The following SLC22A11 variants were observed in gnomAD, a reference collection of about 807,000 sequenced individuals.
The protein encoded by SLC22A11 is solute carrier family 22 member 11.
SLC22A11 carries 42 observed loss-of-function variants against 49.4 expected under a neutral mutation model. The observed-to-expected ratio is 0.85, with a 90% confidence interval of 0.66 to 1.10. The LOEUF (loss-of-function observed/expected upper bound fraction) is 1.10. SLC22A11 is among the 50% of genes least tolerant of loss of function. The pLI is 0.00. For missense variants in SLC22A11, 685 were observed against 731.6 expected (o/e 0.94, Z 0.74); for synonymous variants, 304 against 315.8 (o/e 0.96, Z 0.40).
Position 64,559,192 on chromosome 11 carries a change from T to G in SLC22A11, c.451T>G (p.Ser151Ala). 1 of 1,612,390 alleles carries G rather than the reference T, an allele frequency of 6.2e-7. No individual in the cohort carries two copies. The highest frequency in any genetic ancestry group is 8.5e-7 in the Non-Finnish European group (1 of 1,178,900). Residue 151 changes from serine (S) to alanine (A), a missense_variant, in exon 2 of 10, where the codon TCC becomes GCC. Ser to Ala is a moderately conservative substitution (Grantham distance 99). Coordinates refer to ENST00000301891, the MANE Select transcript of SLC22A11 (RefSeq NM_018484.4). ...GCCCCTAAGCCAGTCCATCTTCATGTCCGGGATCCTGGTGGGCTCCTTTAT... is the reference window on the plus strand; with the variant it reads ...GCCCCTAAGCCAGTCCATCTTCATGGCCGGGATCCTGGTGGGCTCCTTTAT... The part of the protein sequence containing the change: ...LKPLSQSIFM[S>A]GILVGSFIWG...
In SLC22A11 at chr11:64,564,762, T is replaced by A. The variant is rs549094939; in HGVS notation, c.942+334T>A. Among the ~76,000 whole-genome samples the A allele has an allele frequency of 2.6e-5, 4 of 151,918 alleles. No homozygotes were observed. In the East Asian group the frequency reaches 7.7e-4, roughly 29 times the overall value. On this transcript the variant is annotated intron_variant, in intron 5 of 9. Transcript: ENST00000301891. This position sits in a 1 kb window ranked among gnomAD's most constrained non-coding sequence, Gnocchi z 4.2. ...AACATCTCCACCACCTTCACCACCA[T>A]CGTCACCATCGGTAACAGCACCATC... is the stretch of plus-strand genomic sequence containing the variant.
chr11:64,568,311 A>G (rs2038655834), intron 7 of SLC22A11, among the ~76,000 whole-genome samples: 1 of 152,120 alleles, frequency 6.6e-6, no homozygotes, highest in Non-Finnish European at 1.5e-5. Flanking sequence ...GCTGGCGGGC[A>G]GCAGGAAGGC....
At chr11:64,561,393 C>T (rs1465671729) in intron 2 of SLC22A11, among the ~76,000 whole-genome samples, 2 of 152,304 alleles carry the variant, frequency 1.3e-5, no homozygotes, top group South Asian at 4.1e-4. Context: ...CAGGGTCACC[C>T]AGGAAGGACA....
chr11:64,571,370 G>A lies in SLC22A11; in HGVS notation c.*328G>A, dbSNP rs568787891. On this transcript the variant is annotated 3_prime_UTR_variant, in exon 10 of 10. Transcript: ENST00000301891. ...TGTCTTTACACCTTCACTCAGCCAC[G>A]CCAACCAGAGACTGGGTTCCAATCT... 1.3e-3 allele frequency: 395 copies of A among 304,616 alleles called. No homozygotes were observed. The highest frequency in any genetic ancestry group is 8.1e-3 in the African/African-American group (379 of 46,800). 18.9% of individuals were successfully genotyped at this position (304,616 alleles called of 1,614,324 possible).
In SLC22A11 at chr11:64,564,672, C is replaced by T. The variant is rs1239906716; in HGVS notation, c.942+244C>T. 1.3e-5 allele frequency among the ~76,000 whole-genome samples: 2 copies of T among 152,126 alleles called. No homozygotes were observed. Among genetic ancestry groups the T allele is most frequent in the East Asian group, 3.9e-4 (2 of 5,194 alleles). ...TCCACACCCACCATCACCTTCACTG[C>T]CATCACTCCATCACCACCAGCACCA... On this transcript the variant is annotated intron_variant, in intron 5 of 9. Coordinates refer to ENST00000301891, the MANE Select transcript of SLC22A11 (RefSeq NM_018484.4). The surrounding 1 kb of genome is among the most constrained non-coding windows in gnomAD (Gnocchi z 4.2).
At chr11:64,556,914 C>T (rs1417981325) in intron 1 of SLC22A11, among the ~76,000 whole-genome samples, 2 of 152,142 alleles carry the variant, frequency 1.3e-5, no homozygotes, top group Admixed American at 6.5e-5. Context: ...CAGATGGGCC[C>T]AGGAGAAGGC....
chr11:64,565,294 G>T lies in SLC22A11; in HGVS notation c.1015G>T (p.Val339Leu). 1.3e-6 allele frequency: 2 copies of T among 1,551,126 alleles called. No homozygotes were observed. The highest frequency in any genetic ancestry group is 1.7e-6 in the Non-Finnish European group (2 of 1,147,666). ...EPRSVLDLFC[V>L]PVLRWRSCAM... The stretch of plus-strand genomic sequence containing the variant: ...GCGGTCGGTGCTGGACCTGTTCTGC[G>T]TGCCCGTGCTCCGCTGGAGGAGCTG... The change falls in exon 6 of 10, where the codon GTG (valine) becomes TTG (leucine). Residue 339 changes from valine to leucine, a missense_variant. Transcript: ENST00000301891. This position sits in a 1 kb window ranked among gnomAD's most constrained non-coding sequence, Gnocchi z 4.1.
chr11:64,560,063 C>T (rs2038521175), intron 2 of SLC22A11, among the ~76,000 whole-genome samples: 2 of 150,284 alleles, frequency 1.3e-5, no homozygotes, highest in South Asian at 4.3e-4. Context: ...TGATTCCTTG[C>T]CACGCCCCCT....
Position 64,562,583 on chromosome 11 carries a change from A to G in SLC22A11, c.821+148A>G. On this transcript the variant is annotated intron_variant, in intron 4 of 9. Coordinates refer to ENST00000301891, the MANE Select transcript of SLC22A11 (RefSeq NM_018484.4). The surrounding 1 kb of genome is among the most constrained non-coding windows in gnomAD (Gnocchi z 4.4). ...AGCGGCACCCTCGCTAGGGAGGGACATTGGTGATTGGCAGTCCTGGGCTAA... is the reference window on the plus strand; with the variant it reads ...AGCGGCACCCTCGCTAGGGAGGGACGTTGGTGATTGGCAGTCCTGGGCTAA... The G allele has an allele frequency of 1.2e-6, 1 of 850,218 alleles. No homozygotes were observed. The highest frequency in any genetic ancestry group is 1.7e-6 in the Non-Finnish European group (1 of 578,478). 52.7% of individuals were successfully genotyped at this position (850,218 alleles called of 1,614,324 possible).
rs2038644387 is a variant in SLC22A11 at position 64,567,624 on chromosome 11, G to C, written c.1084G>C (p.Gly362Arg). The change falls in exon 7 of 10, where the codon GGG (glycine) becomes CGG (arginine). Residue 362 changes from glycine to arginine, a missense_variant. Coordinates refer to ENST00000301891, the MANE Select transcript of SLC22A11 (RefSeq NM_018484.4). ...VNFSLLISYY[G>R]LVFDLQSLGR... ...TTTCTCTCTATTGATCTCCTACTAT[G>C]GGCTGGTCTTCGACCTGCAGAGCCT... The C allele has an allele frequency of 1.2e-6, 2 of 1,614,074 alleles. No homozygotes were observed. The highest frequency in any genetic ancestry group is 1.7e-6 in the Non-Finnish European group (2 of 1,180,032).
chr11:64,565,700 T>C lies in SLC22A11; in HGVS notation c.1058+363T>C. On this transcript the variant is annotated intron_variant, in intron 6 of 9. Transcript: ENST00000301891. The surrounding 1 kb of genome is among the most constrained non-coding windows in gnomAD (Gnocchi z 4.1). ...CCACTGTGTGTCATCGTTAGAGACT[T>C]ACCACTTTCCTAGAGACCATGGCCA... 1 of 380,720 alleles carries C rather than the reference T, an allele frequency of 2.6e-6. No individual in the cohort carries two copies. The highest frequency in any genetic ancestry group is 5.2e-6 in the Non-Finnish European group (1 of 192,242). 23.6% of individuals were successfully genotyped at this position (380,720 alleles called of 1,614,324 possible). A position where few individuals can be genotyped will look rare whatever the true frequency, so the allele number is the denominator to read the frequency against.
Position 64,562,595 on chromosome 11 carries a change from C to T in SLC22A11, c.821+160C>T, listed in dbSNP as rs1300158257. On this transcript the variant is annotated intron_variant, in intron 4 of 9. Transcript: ENST00000301891. The surrounding 1 kb of genome is among the most constrained non-coding windows in gnomAD (Gnocchi z 4.4). ...GCTAGGGAGGGACATTGGTGATTGGCAGTCCTGGGCTAAGTGTTGCAGCCC... is the reference window on the plus strand; with the variant it reads ...GCTAGGGAGGGACATTGGTGATTGGTAGTCCTGGGCTAAGTGTTGCAGCCC... 6.6e-6 allele frequency among the ~76,000 whole-genome samples: 1 copy of T among 152,146 alleles called. No homozygotes were observed. Among genetic ancestry groups the T allele is most frequent in the African/African-American group, 2.4e-5 (1 of 41,442 alleles).
chr11:64,559,064 C>T (rs1265151414), intron 1 of SLC22A11, 71 bp from the exon 2 acceptor site: 12 of 1,333,236 alleles, frequency 9.0e-6, no homozygotes, highest in Middle Eastern at 1.9e-4. Context: ...GTGGGTCAGG[C>T]GTTCCTCGGC....
intron 1 of SLC22A11, among the ~76,000 whole-genome samples, chr11:64,558,313 C>T (rs2038491842): frequency 2.0e-5 from 3 of 152,182 alleles, no homozygotes; most frequent in African/African-American, 7.2e-5. Context: ...TTTGGTCTGA[C>T]TTGCATTTTC....
At chr11:64,568,053 A>AGGCAGGAGGCTGCCTTGCGGCT (rs1406727142) in intron 7 of SLC22A11, among the ~76,000 whole-genome samples, 1 of 152,224 alleles carries the variant, frequency 6.6e-6, no homozygotes, top group African/African-American at 2.4e-5. Flanking sequence ...GCCGGGAGGA[A>AGGCAGGAGGCTGCCTTGCGGCT]GGCAGGAGGC....
intron 2 of SLC22A11, among the ~76,000 whole-genome samples, chr11:64,561,642 T>C (rs1398687739): frequency 4.9e-5 from 7 of 141,732 alleles, no homozygotes; most frequent in Non-Finnish European, 9.1e-5. Context: ...TTTATTTATT[T>C]ATTTATTTAG....
rs546668973 is a variant in SLC22A11 at position 64,571,221 on chromosome 11, C to T, written c.*179C>T. 1.7e-4 allele frequency: 107 copies of T among 632,652 alleles called. No individual in the cohort carries two copies. The African/African-American group carries it at 1.8e-3, about 11-fold the overall frequency. 39.2% of individuals were successfully genotyped at this position (632,652 alleles called of 1,614,324 possible). A position where few individuals can be genotyped will look rare whatever the true frequency, so the allele number is the denominator to read the frequency against. On this transcript the variant is annotated 3_prime_UTR_variant, in exon 10 of 10. Coordinates refer to ENST00000301891, the MANE Select transcript of SLC22A11 (RefSeq NM_018484.4). Reference sequence around the variant, plus strand: ...CTGTGGCTGAAGGCAGCTTCCACAGCTCACTCCTCTTCTCCCTGCCCTGAT... The same window carrying T: ...CTGTGGCTGAAGGCAGCTTCCACAGTTCACTCCTCTTCTCCCTGCCCTGAT...
In SLC22A11 at chr11:64,562,171, C is replaced by T. The variant is rs371419140; in HGVS notation, c.652+13C>T. 1.2e-6 allele frequency: 2 copies of T among 1,611,246 alleles called. No homozygotes were observed. The highest frequency in any genetic ancestry group is 1.7e-6 in the Non-Finnish European group (2 of 1,178,424). On this transcript the variant is annotated intron_variant, in intron 3 of 9. Coordinates refer to ENST00000301891, the MANE Select transcript of SLC22A11 (RefSeq NM_018484.4). The surrounding 1 kb of genome is among the most constrained non-coding windows in gnomAD (Gnocchi z 4.4). ...TCACTGACACTGAGTGAGTCCCCGG[C>T]TCAGCGCGCTCCTGCCATGGGGGCG...
Position 64,561,537 on chromosome 11 carries a change from C to T in SLC22A11, c.498-467C>T, listed in dbSNP as rs149563293. Among the ~76,000 whole-genome samples the T allele has an allele frequency of 6.2e-3, 944 of 152,312 alleles. 7 individuals carry two copies. The highest frequency in any genetic ancestry group is 0.022 in the African/African-American group (905 of 41,562). On this transcript the variant is annotated intron_variant, in intron 2 of 9. Transcript: ENST00000301891. ...GATCATACCTCACTGCAGCCTTGAA[C>T]TCCTGGGCTCAAGCCATCCTCCCAC...
Sources: gnomAD v4.1 joint callset for allele counts (sites outside exome capture counted in the v4.1 genomes callset) on GRCh38, gnomAD v4.1.1 for gene constraint, Gnocchi (gnomAD v3.1) non-coding constraint, MANE v1.5 for transcripts, NCBI Gene and HGNC (gene_info 2026-07-23, HGNC 2026-07-21) for gene names.